Variants in ZNF264 observed in about 807,000 individuals in gnomAD.
The protein encoded by ZNF264 is zinc finger protein 264.
ZNF264 carries 11 observed loss-of-function variants against 11.2 expected under a neutral mutation model. The ratio of observed to expected loss-of-function variants is 0.98; its 90% confidence interval spans 0.62 to 1.63. The LOEUF is 1.63. Ranked by LOEUF, ZNF264 falls within the 40% of genes most tolerant of loss-of-function variation. The pLI, the probability that ZNF264 is intolerant of heterozygous loss-of-function variation, is 0.00. For missense variants in ZNF264, 752 were observed against 768.1 expected (o/e 0.98, Z 0.25); for synonymous variants, 309 against 279.8 (o/e 1.10, Z -1.04).
intron 2 of ZNF264, among the ~76,000 whole-genome samples, chr19:57,204,147 C>T (rs1356523484): frequency 6.8e-6 from 1 of 147,638 alleles, no homozygotes; most frequent in Non-Finnish European, 1.5e-5. Flanking sequence ...ACCCGGGAGG[C>T]GGAGCTTGCA....
Position 57,209,971 on chromosome 19 carries a change from C to T in ZNF264, c.257-1383C>T, listed in dbSNP as rs79638654. ...CTAATCTTTTCACCAGGCTGTTCCT[C>T]AGGCATACAAGACTCATTGTGTCAA... On this transcript the variant is annotated intron_variant, in intron 3 of 3. Transcript: ENST00000263095. Among the ~76,000 whole-genome samples the T allele has an allele frequency of 7.1e-3, 1,076 of 152,108 alleles. 23 individuals are homozygous for T. Among genetic ancestry groups the T allele is most frequent in the African/African-American group, 0.024 (989 of 41,506 alleles).
rs1225854221 is a variant in ZNF264, at chr19:57,205,137, GA to G, written c.161-256del. 3.3e-5 allele frequency among the ~76,000 whole-genome samples: 5 copies of G among 149,784 alleles called. No homozygotes were observed. The East Asian group carries it at 9.7e-4, about 29-fold the overall frequency. Reference sequence around the variant, plus strand: ...TGAAATCACATACCTTGTTTGGAATGAAAAGAGTCAATATTTAATATTTAAA... The same window carrying G: ...TGAAATCACATACCTTGTTTGGAATGAAAGAGTCAATATTTAATATTTAAA... On this transcript the variant is annotated intron_variant, in intron 2 of 3. Transcript: ENST00000263095.
rs2087371765 is a variant in ZNF264 at position 57,215,269 on chromosome 19, T to A, written c.*2288T>A. The A allele has an allele frequency of 6.6e-6, 1 of 152,230 alleles. No homozygotes were observed. The highest frequency in any genetic ancestry group is 1.9e-4 in the East Asian group (1 of 5,200). The allele number at this position is 152,230 out of a possible 1,614,324, so 9.4% of individuals were successfully genotyped here. ...TAGAACTATTCGAAGTATCTATTTCTTGTGTAATAAATTTTGATAGTCTGT... is the reference window on the plus strand; with the variant it reads ...TAGAACTATTCGAAGTATCTATTTCATGTGTAATAAATTTTGATAGTCTGT... On this transcript the variant is annotated 3_prime_UTR_variant, in exon 4 of 4. Coordinates refer to ENST00000263095, the MANE Select transcript of ZNF264 (RefSeq NM_003417.5).
intron 2 of ZNF264, among the ~76,000 whole-genome samples, chr19:57,203,026 C>A (rs990908552): frequency 6.6e-6 from 1 of 152,136 alleles, no homozygotes; most frequent in Admixed American, 6.5e-5. Flanking sequence ...AAACCCCCCA[C>A]ACATTTGGTC....
intron 2 of ZNF264, 54 bp downstream of exon 2, chr19:57,194,055 C>T (rs532583033): frequency 6.4e-7 from 1 of 1,554,554 alleles, no homozygotes; most frequent in East Asian, 2.3e-5. Context: ...TTCCTTCATT[C>T]CATCTTCTGA....
intron 3 of ZNF264, 64 bp downstream of exon 3, chr19:57,205,556 G>A (rs2087286108): frequency 7.0e-7 from 1 of 1,434,958 alleles, no homozygotes. Flanking sequence ...GAGACCACTG[G>A]CCCTGGAATC....
At chr19:57,198,548 A>G (rs889833816) in intron 2 of ZNF264, among the ~76,000 whole-genome samples, 1 of 151,920 alleles carries the variant, frequency 6.6e-6, no homozygotes, top group Middle Eastern at 3.4e-3. Context: ...GTCTGTGCCT[A>G]TTACGCATTC....
At chr19:57,192,339 G>A (rs2087179922) in intron 1 of ZNF264, 1 of 985,352 alleles carries the variant, frequency 1.0e-6, no homozygotes, top group Non-Finnish European at 1.2e-6. Flanking sequence ...GGTGTGTAAG[G>A]TTGCCATGGT....
intron 2 of ZNF264, chr19:57,194,919 T>A: frequency 1.0e-5 from 4 of 398,772 alleles, no homozygotes; most frequent in Non-Finnish European, 1.8e-5. Context: ...ATTGTATTGA[T>A]CCAGAAATAA....
rs561044200 is a variant in ZNF264 at position 57,199,078 on chromosome 19, G to T, written c.160+5077G>T. ...CTGTGATTAATTAGCCAACGCCAGA[G>T]ATCTACATGAGTCAGACTATTCTGA... On this transcript the variant is annotated intron_variant, in intron 2 of 3. Transcript: ENST00000263095. Among the ~76,000 whole-genome samples, 171 of 152,082 alleles carry T rather than the reference G, an allele frequency of 1.1e-3. 4 individuals are homozygous for T. Among genetic ancestry groups the T allele is most frequent in the African/African-American group, 4.0e-3 (164 of 41,338 alleles).
chr19:57,192,081 C>A, intron 1 of ZNF264, 135 bp downstream of exon 1: 1 of 890,696 alleles, frequency 1.1e-6, no homozygotes, highest in Non-Finnish European at 1.5e-6. Context: ...AGCTGGTTTG[C>A]CACTTAATTT....
At chr19:57,196,046 C>G (rs532925999) in intron 2 of ZNF264, among the ~76,000 whole-genome samples, 3 of 151,882 alleles carry the variant, frequency 2.0e-5, no homozygotes, top group African/African-American at 7.3e-5. Context: ...GCATACATGG[C>G]CTACTGGAGA....
In ZNF264 at chr19:57,199,303, A is replaced by G. The variant is rs1432694661; in HGVS notation, c.160+5302A>G. 2.0e-5 allele frequency among the ~76,000 whole-genome samples: 3 copies of G among 151,900 alleles called. 1 individual carries two copies. The highest frequency in any genetic ancestry group is 7.3e-5 in the African/African-American group (3 of 41,186). On this transcript the variant is annotated intron_variant, in intron 2 of 3. Transcript: ENST00000263095. ...CAAAGATGCAGGTGCTGCCCTCGCA[A>G]ATCTATTTTGCAAGCCATTGGTTAA...
In ZNF264 at chr19:57,211,402, C is replaced by T. The variant is rs975630927; in HGVS notation, c.305C>T (p.Ala102Val). 1.1e-5 allele frequency: 17 copies of T among 1,613,894 alleles called. No individual in the cohort carries two copies. In the African/African-American group the frequency reaches 1.1e-4, roughly 10 times the overall value. The change falls in exon 4 of 4, where the codon GCC (alanine) becomes GTC (valine). Residue 102 changes from alanine to valine, a missense_variant. Ala to Val is a moderately conservative substitution (Grantham distance 64). Coordinates refer to ENST00000263095, the MANE Select transcript of ZNF264 (RefSeq NM_003417.5). ...ACAGAACCTACCACTTGTGAGCCAG[C>T]CTTGTCAGAGGGAATCTCACTTCAG... is the stretch of plus-strand genomic sequence containing the variant. ...KTTEPTTCEP[A>V]LSEGISLQGQ...
chr19:57,194,113 T>C lies in ZNF264; in HGVS notation c.160+112T>C. On this transcript the variant is annotated intron_variant, in intron 2 of 3. Coordinates refer to ENST00000263095, the MANE Select transcript of ZNF264 (RefSeq NM_003417.5). ...AGGCCTCTAGAATCTACCTTGCCTC[T>C]TTCCCACAGCTTTAGTCATTTTCCA... The C allele has an allele frequency of 4.2e-6, 6 of 1,436,238 alleles. No homozygotes were observed. The Admixed American group carries it at 1.4e-4, about 34-fold the overall frequency. 89.0% of individuals were successfully genotyped at this position (1,436,238 alleles called of 1,614,324 possible).
chr19:57,201,778 C>T (rs867333446), intron 2 of ZNF264, among the ~76,000 whole-genome samples: 6 of 151,890 alleles, frequency 4.0e-5, no homozygotes, highest in African/African-American at 7.3e-5. Context: ...AAATGCCAGA[C>T]GCAGCTGAAG....
In ZNF264 at chr19:57,219,985, A is replaced by G. The variant is rs893594884; in HGVS notation, c.*7004A>G. 2 of 152,280 alleles carry G rather than the reference A, an allele frequency of 1.3e-5. No homozygotes were observed. The highest frequency in any genetic ancestry group is 2.9e-5 in the Non-Finnish European group (2 of 68,050). The allele number at this position is 152,280 out of a possible 1,614,324, so 9.4% of individuals were successfully genotyped here. Reference sequence around the variant, plus strand: ...TGAGACATTGTTGTGAATGTTTTACATGCATCAGCTCTTTCAACATTTACA... The same window carrying G: ...TGAGACATTGTTGTGAATGTTTTACGTGCATCAGCTCTTTCAACATTTACA... On this transcript the variant is annotated 3_prime_UTR_variant, in exon 4 of 4. Transcript: ENST00000263095.
intron 2 of ZNF264, chr19:57,194,718 G>A (rs2087199801): frequency 2.5e-6 from 1 of 398,934 alleles, no homozygotes; most frequent in Non-Finnish European, 4.4e-6. Flanking sequence ...GATTAAGGGG[G>A]GGGTCTGCCT....
Position 57,217,914 on chromosome 19 carries a change from C to T in ZNF264, c.*4933C>T, listed in dbSNP as rs1020953721. The T allele has an allele frequency of 2.6e-5, 4 of 151,270 alleles. No homozygotes were observed. Among genetic ancestry groups the T allele is most frequent in the Non-Finnish European group, 5.9e-5 (4 of 67,946 alleles). The allele number at this position is 151,270 out of a possible 1,614,324, so 9.4% of individuals were successfully genotyped here. A position where few individuals can be genotyped will look rare whatever the true frequency, so the allele number is the denominator to read the frequency against. On this transcript the variant is annotated 3_prime_UTR_variant, in exon 4 of 4. Transcript: ENST00000263095. The stretch of plus-strand genomic sequence containing the variant: ...TCAAGCGATTCTCCTGCCTCAGCCT[C>T]CTGAGTAGCTGGGATTACAGGTGTG...
Sources: allele counts gnomAD v4.1 joint callset (sites outside exome capture counted in the v4.1 genomes callset), GRCh38; gene constraint gnomAD v4.1.1; transcripts MANE v1.5; gene names NCBI Gene and HGNC (gene_info 2026-07-23, HGNC 2026-07-21).